KIF6: variants seen among roughly 807,000 people sequenced by gnomAD.
KIF6 encodes the protein kinesin-like protein KIF6.
A neutral mutation model predicts 112.7 loss-of-function variants in KIF6; 106 were observed. That is an observed-to-expected ratio of 0.94 (90% CI 0.80 to 1.11). KIF6 has a LOEUF of 1.11. Ranked by LOEUF, KIF6 falls within the 50% of genes least tolerant of loss-of-function variation. KIF6 has a pLI of 0.00. For missense variants in KIF6, 929 were observed against 964.0 expected, an observed-to-expected ratio of 0.96 and a Z score of 0.48; for synonymous variants, 339 against 339.9, an observed-to-expected ratio of 1.00 and a Z score of 0.03.
At chr6:39,523,697 T>TATATATATA (rs1777537590) in intron 13 of KIF6, among the ~76,000 whole-genome samples, 1 of 100,942 alleles carries the variant, frequency 9.9e-6, no homozygotes, top group Non-Finnish European at 1.9e-5. Flanking sequence ...TATATATATA[T>TATATATATA]GATTACTCTT....
chr6:39,400,269 G>A lies in KIF6; in HGVS notation c.1811-14597C>T, dbSNP rs368615228. 2.1e-3 allele frequency among the ~76,000 whole-genome samples: 318 copies of A among 152,324 alleles called. 1 individual carries two copies. Among genetic ancestry groups the A allele is most frequent in the African/African-American group, 7.3e-3 (304 of 41,566 alleles). On this transcript the variant is annotated intron_variant, in intron 15 of 22. Transcript: ENST00000287152. ...AAGGATGGGTGGCTTATAAAGGCGA[G>A]CAAGAGGCAAGAAAGCTGTGCAAAC...
intron 13 of KIF6, among the ~76,000 whole-genome samples, chr6:39,443,168 A>C (rs188663400): frequency 0.083 from 11,569 of 139,596 alleles, 570 homozygotes; most frequent in Admixed American, 0.17. Flanking sequence ...ATAAATAAAA[A>C]TAAAAAAAAG....
At chr6:39,423,690 C>T (rs562993059) in intron 14 of KIF6, among the ~76,000 whole-genome samples, 1 of 152,208 alleles carries the variant, frequency 6.6e-6, no homozygotes, top group Admixed American at 6.5e-5. Flanking sequence ...TGTCTCAATG[C>T]ACAGCACCAT....
rs1472240541 is a variant in KIF6, at chr6:39,550,414, C to T, written c.1182-4726G>A. Reference sequence around the variant, plus strand: ...TGTGCCCCAGGAGTGGGAGGGGAGCCTGGTGCTGTAACTGGGGCAGAGATA... The same window carrying T: ...TGTGCCCCAGGAGTGGGAGGGGAGCTTGGTGCTGTAACTGGGGCAGAGATA... On this transcript the variant is annotated intron_variant, in intron 10 of 22. Transcript: ENST00000287152. Among the ~76,000 whole-genome samples the T allele has an allele frequency of 2.6e-5, 4 of 152,188 alleles. No homozygotes were observed. The East Asian group carries it at 7.7e-4, about 29-fold the overall frequency.
intron 3 of KIF6, among the ~76,000 whole-genome samples, chr6:39,653,289 AAAAACAGG>A (rs2150795842): frequency 6.6e-6 from 1 of 152,312 alleles, no homozygotes. Context: ...TAGGATGGGT[AAAAACAGG>A]AAAGAAAATT....
intron 3 of KIF6, chr6:39,690,920 T>C (rs150668076): frequency 1.3e-5 from 2 of 152,264 alleles, no homozygotes; most frequent in African/African-American, 4.8e-5. Flanking sequence ...GCAAAGGAAA[T>C]TTACAGACAA....
chr6:39,666,598 T>C (rs972818707), intron 3 of KIF6, among the ~76,000 whole-genome samples: 3 of 152,228 alleles, frequency 2.0e-5, no homozygotes, highest in Non-Finnish European at 4.4e-5. Context: ...TAGTGTGTTC[T>C]GTAACACTGG....
intron 5 of KIF6, among the ~76,000 whole-genome samples, chr6:39,632,482 A>G (rs1189579649): frequency 6.6e-6 from 1 of 152,154 alleles, no homozygotes; most frequent in Non-Finnish European, 1.5e-5. Flanking sequence ...TCAGCTCACA[A>G]CAATGAAATC....
intron 13 of KIF6, among the ~76,000 whole-genome samples, chr6:39,462,118 G>A (rs1458977979): frequency 6.6e-6 from 1 of 152,182 alleles, no homozygotes; most frequent in Non-Finnish European, 1.5e-5. Context: ...ATATACCTAT[G>A]TTTCCAGGCT....
At chr6:39,460,357 C>T (rs1386230427) in intron 13 of KIF6, among the ~76,000 whole-genome samples, 1 of 97,256 alleles carries the variant, frequency 1.0e-5, no homozygotes, top group African/African-American at 4.7e-5. Context: ...GGGAATATCA[C>T]ACTCCGGGGA....
At chr6:39,379,075 T>TC (rs2150301850) in intron 16 of KIF6, among the ~76,000 whole-genome samples, 1 of 152,352 alleles carries the variant, frequency 6.6e-6, no homozygotes, top group East Asian at 1.9e-4. Flanking sequence ...TATACAAGGA[T>TC]CCGCACGATA....
intron 15 of KIF6, among the ~76,000 whole-genome samples, chr6:39,411,923 A>G (rs922140134): frequency 3.9e-5 from 6 of 152,196 alleles, no homozygotes; most frequent in Non-Finnish European, 8.8e-5. Flanking sequence ...AACATCCACC[A>G]TGGTAAATAA....
At chr6:39,648,026 T>C (rs1204990129) in intron 3 of KIF6, among the ~76,000 whole-genome samples, 2 of 148,490 alleles carry the variant, frequency 1.3e-5, no homozygotes, top group African/African-American at 2.5e-5. Flanking sequence ...TTTTTAACTT[T>C]CTTTTTTTTT....
intron 13 of KIF6, among the ~76,000 whole-genome samples, chr6:39,441,357 T>C (rs190227274): frequency 6.6e-6 from 1 of 152,300 alleles, no homozygotes; most frequent in East Asian, 1.9e-4. Flanking sequence ...GCAAATGTCA[T>C]CATTTACTGT....
intron 10 of KIF6, among the ~76,000 whole-genome samples, chr6:39,572,659 C>CTT (rs35901482): frequency 0.015 from 1,496 of 102,162 alleles, 39 homozygotes; most frequent in East Asian, 0.038. Context: ...GATCTACAGG[C>CTT]TTTTTTTTTT....
At chr6:39,537,473 C>T (rs975376914) in intron 13 of KIF6, among the ~76,000 whole-genome samples, 2 of 151,770 alleles carry the variant, frequency 1.3e-5, no homozygotes, top group Non-Finnish European at 2.9e-5. Flanking sequence ...ACAATTGCTT[C>T]AAAGAGAATA....
chr6:39,369,931 C>T (rs145912383), intron 16 of KIF6, among the ~76,000 whole-genome samples: 1 of 152,338 alleles, frequency 6.6e-6, no homozygotes, highest in Non-Finnish European at 1.5e-5. Flanking sequence ...AAGAGCCTGG[C>T]TCGGTGATTT....
chr6:39,472,229 A>G (rs1040607880), intron 13 of KIF6, among the ~76,000 whole-genome samples: 1 of 152,128 alleles, frequency 6.6e-6, no homozygotes, highest in Non-Finnish European at 1.5e-5. Context: ...CTTCTTTGAT[A>G]CTAACAACCA....
chr6:39,502,445 G>A (rs185435328), intron 13 of KIF6, among the ~76,000 whole-genome samples: 17 of 152,088 alleles, frequency 1.1e-4, no homozygotes, highest in East Asian at 9.7e-4. Context: ...ACAAGTCTGC[G>A]AAATAAACAG....
Sources: allele counts gnomAD v4.1 joint callset (sites outside exome capture counted in the v4.1 genomes callset), GRCh38; gene constraint gnomAD v4.1.1; transcripts MANE v1.5; gene names NCBI Gene and HGNC (gene_info 2026-07-23, HGNC 2026-07-21).